The following PRMT7 variants were observed in gnomAD, a reference collection of about 807,000 sequenced individuals.
PRMT7 encodes protein arginine N-methyltransferase 7.
Under a neutral mutation model 85.4 loss-of-function variants are expected in PRMT7, and 75 were observed. The observed-to-expected ratio is 0.88, with a 90% CI of 0.73 to 1.06. The LOEUF (loss-of-function observed/expected upper bound fraction) is 1.06, where lower values mean the gene tolerates loss of function less well. Among genes scored for constraint, PRMT7 ranks in the 50% least tolerant of loss-of-function variants. The pLI is 0.00. For missense variants in PRMT7, 868 were observed against 915.2 expected, an observed-to-expected ratio of 0.95 and a Z score of 0.67; for synonymous variants, 397 against 359.5, an observed-to-expected ratio of 1.10 and a Z score of -1.18.
At chr16:68,319,711 A>AGTGTGTGTGTGTGTGTGTGTGT (rs369478826) in intron 3 of PRMT7, among the ~76,000 whole-genome samples, 3,311 of 141,464 alleles carry the variant, frequency 0.023, 94 homozygotes, top group African/African-American at 0.053. Flanking sequence ...TAAGAGTGAG[A>AGTGTGTGTGTGTGTGTGTGTGT]GTGTGTGTGT....
At chr16:68,315,458 C>G (rs1023980276) in intron 2 of PRMT7, 1 of 155,882 alleles carries the variant, frequency 6.4e-6, no homozygotes, top group Non-Finnish European at 1.4e-5. Flanking sequence ...TGAAAGTTTT[C>G]CTGGTTTGAC....
Position 68,339,204 on chromosome 16 carries a change from G to A in PRMT7, c.505-118G>A, listed in dbSNP as rs1367539480. ...CAGTTCACTATTCTAATAGTATAAG[G>A]TGTTGGGCATTACTGAACCAACCTA... On this transcript the variant is annotated intron_variant, in intron 7 of 18. Transcript: ENST00000441236. 5 of 1,279,840 alleles carry A rather than the reference G, an allele frequency of 3.9e-6. No individual in the cohort carries two copies. In the East Asian group the frequency reaches 9.5e-5, roughly 24 times the overall value. 79.3% of individuals were successfully genotyped at this position (1,279,840 alleles called of 1,614,324 possible). A position where few individuals can be genotyped will look rare whatever the true frequency, so the allele number is the denominator to read the frequency against.
rs2088773199 is a variant in PRMT7 at position 68,357,340 on chromosome 16, T to A, written c.*116T>A. The A allele has an allele frequency of 7.4e-5, 83 of 1,117,596 alleles. No individual in the cohort carries two copies. Among genetic ancestry groups the A allele is most frequent in the Non-Finnish European group, 1.0e-4 (79 of 787,050 alleles). 69.2% of individuals were successfully genotyped at this position (1,117,596 alleles called of 1,614,324 possible). A position where few individuals can be genotyped will look rare whatever the true frequency, so the allele number is the denominator to read the frequency against. ...TCTGGGAGCTGCTCGGCCTCAGGGA[T>A]GGGAAAGACTGCGCCGTGTTGCATC... On this transcript the variant is annotated 3_prime_UTR_variant, in exon 19 of 19. Coordinates refer to ENST00000441236, the MANE Select transcript of PRMT7 (RefSeq NM_019023.5).
At chr16:68,327,334 G>T (rs1377097976) in intron 5 of PRMT7, among the ~76,000 whole-genome samples, 1 of 152,208 alleles carries the variant, frequency 6.6e-6, no homozygotes, top group African/African-American at 2.4e-5. Context: ...AGCTCTTGGG[G>T]CTGTGGAATC....
At chr16:68,348,883 C>T (rs2086837515) in intron 14 of PRMT7, among the ~76,000 whole-genome samples, 2 of 152,042 alleles carry the variant, frequency 1.3e-5, no homozygotes, top group African/African-American at 4.8e-5. Context: ...ATGCGATCTG[C>T]CAGTCTCAGC....
At chr16:68,343,181 G>A (rs1388473491) in intron 9 of PRMT7, among the ~76,000 whole-genome samples, 1 of 151,586 alleles carries the variant, frequency 6.6e-6, no homozygotes, top group Non-Finnish European at 1.5e-5. Flanking sequence ...TCCAGCCTGG[G>A]CAACAAGAGC....
chr16:68,315,867 A>G (rs1475828963), intron 2 of PRMT7, 30 bp from the exon 3 acceptor site: 1 of 859,682 alleles, frequency 1.2e-6, no homozygotes, highest in East Asian at 2.5e-5. Flanking sequence ...GTTTGTTTAT[A>G]TACCTCCTGT....
intron 15 of PRMT7, 110 bp from the exon 16 acceptor site, chr16:68,353,382 G>C (rs1221720550): frequency 2.6e-6 from 4 of 1,558,900 alleles, no homozygotes; most frequent in Non-Finnish European, 3.4e-6. Context: ...TCATACTTGG[G>C]GGTCTCTTTC....
chr16:68,337,500 T>C lies in PRMT7; in HGVS notation c.433T>C (p.Leu145=). Residue 145 remains leucine (L), a synonymous_variant, in exon 7 of 19, where the codon TTG becomes CTG. Coordinates refer to ENST00000441236, the MANE Select transcript of PRMT7 (RefSeq NM_019023.5). ...CCGTGCCAACATCCTGGTCACAGAG[T>C]TGTTTGACACAGAGCTGATCGGGGA... The part of the protein sequence containing the change: ...PCRANILVTE[L]FDTELIGEGA... 1 of 1,612,522 alleles carries C rather than the reference T, an allele frequency of 6.2e-7. No individual in the cohort carries two copies. Among genetic ancestry groups the C allele is most frequent in the East Asian group, 2.2e-5 (1 of 44,820 alleles).
At position 68,355,719 on chromosome 16, in the gene PRMT7, G is replaced by A. The variant is rs369594073; in HGVS notation, c.1651-4G>A. The A allele has an allele frequency of 2.9e-4, 461 of 1,577,660 alleles. No homozygotes were observed. In the African/African-American group the frequency reaches 5.2e-3, roughly 18 times the overall value. ...GCAGCCCCCAGGCCCCCTTCTGTTC[G>A]CAGCGTGCCCTGGACTTCAGGGAGA... On this transcript the variant is annotated splice_region_variant and splice_polypyrimidine_tract_variant and intron_variant, in intron 16 of 18. Coordinates refer to ENST00000441236, the MANE Select transcript of PRMT7 (RefSeq NM_019023.5).
In PRMT7 at chr16:68,357,345, A is replaced by G; in HGVS notation, c.*121A>G. 2 of 1,093,480 alleles carry G rather than the reference A, an allele frequency of 1.8e-6. No homozygotes were observed. Among genetic ancestry groups the G allele is most frequent in the South Asian group, 1.6e-5 (1 of 62,778 alleles). The allele number at this position is 1,093,480 out of a possible 1,614,324, so 67.7% of individuals were successfully genotyped here. The stretch of plus-strand genomic sequence containing the variant: ...GAGCTGCTCGGCCTCAGGGATGGGA[A>G]AGACTGCGCCGTGTTGCATCTTGTT... On this transcript the variant is annotated 3_prime_UTR_variant, in exon 19 of 19. Coordinates refer to ENST00000441236, the MANE Select transcript of PRMT7 (RefSeq NM_019023.5).
At chr16:68,349,255 G>A (rs78703346) in intron 14 of PRMT7, among the ~76,000 whole-genome samples, 4,453 of 152,060 alleles carry the variant, frequency 0.029, 197 homozygotes, top group African/African-American at 0.083. Context: ...GCACTGCTCC[G>A]TGGCACTCTC....
chr16:68,341,251 T>G (rs780703304), intron 9 of PRMT7, among the ~76,000 whole-genome samples: 1 of 152,218 alleles, frequency 6.6e-6, no homozygotes, highest in Non-Finnish European at 1.5e-5. Context: ...GTGTCGGAAT[T>G]GCCTGATGGG....
At position 68,316,070 on chromosome 16, in the gene PRMT7, G is replaced by A. The variant is rs1156908220; in HGVS notation, c.91G>A (p.Ala31Thr). The A allele has an allele frequency of 1.2e-6, 2 of 1,613,254 alleles. No homozygotes were observed. The highest frequency in any genetic ancestry group is 1.7e-6 in the Non-Finnish European group (2 of 1,179,720). The change falls in exon 3 of 19, where the codon GCA becomes ACA. Residue 31 changes from alanine (A) to threonine (T), a missense_variant. By Grantham distance (58) the Ala-to-Thr change is moderately conservative. Transcript: ENST00000441236. ...DEHYDYHQEIARSSYADMLHD... is the reference protein window; with the variant it reads ...DEHYDYHQEITRSSYADMLHD... ...ACACTATGATTACCACCAGGAGATT[G>A]CAAGGTACTGGGTTGGTTTACAGCA...
chr16:68,329,018 G>GT (rs1167125836), intron 5 of PRMT7, 48 bp from the exon 6 acceptor site: 1 of 1,362,298 alleles, frequency 7.3e-7, no homozygotes, highest in African/African-American at 1.4e-5. Flanking sequence ...TCAGACTACT[G>GT]TTTAATTTAT....
intron 2 of PRMT7, 65 bp from the exon 3 acceptor site, chr16:68,315,832 C>A: frequency 1.5e-6 from 1 of 679,060 alleles, no homozygotes; most frequent in Non-Finnish European, 2.6e-6. Flanking sequence ...GGGCATTGTG[C>A]TGTTAATAGA....
At chr16:68,346,759 G>A (rs913211379) in intron 11 of PRMT7, among the ~76,000 whole-genome samples, 1 of 152,072 alleles carries the variant, frequency 6.6e-6, no homozygotes, top group East Asian at 1.9e-4. Context: ...ACAGAAATAG[G>A]TGTGAATGTG....
Position 68,357,288 on chromosome 16 carries a change from G to T in PRMT7, c.*64G>T. On this transcript the variant is annotated 3_prime_UTR_variant, in exon 19 of 19. Coordinates refer to ENST00000441236, the MANE Select transcript of PRMT7 (RefSeq NM_019023.5). Reference sequence around the variant, plus strand: ...CTGAGTGGCTCATGGCTTTCTAGCGGGGAAGGCTGAAGGCCCTCCTCTCCT... The same window carrying T: ...CTGAGTGGCTCATGGCTTTCTAGCGTGGAAGGCTGAAGGCCCTCCTCTCCT... 1.3e-6 allele frequency: 2 copies of T among 1,498,470 alleles called. No individual in the cohort carries two copies. Among genetic ancestry groups the T allele is most frequent in the Non-Finnish European group, 1.8e-6 (2 of 1,110,456 alleles). The allele number at this position is 1,498,470 out of a possible 1,614,324, so 92.8% of individuals were successfully genotyped here. A position where few individuals can be genotyped will look rare whatever the true frequency, so the allele number is the denominator to read the frequency against.
chr16:68,342,857 C>T (rs1423317239), intron 9 of PRMT7, among the ~76,000 whole-genome samples: 1 of 152,164 alleles, frequency 6.6e-6, no homozygotes. Flanking sequence ...TTGAGATTGG[C>T]ACCGCGTCAC....
Sources: allele counts gnomAD v4.1 joint callset (sites outside exome capture counted in the v4.1 genomes callset), GRCh38; gene constraint gnomAD v4.1.1; transcripts MANE v1.5; gene names NCBI Gene and HGNC (gene_info 2026-07-23, HGNC 2026-07-21).